STRA6: variants seen among roughly 807,000 people sequenced by gnomAD.
STRA6 encodes signaling receptor and transporter of retinol STRA6, also known as receptor for retinol uptake STRA6.
A neutral mutation model predicts 83.6 loss-of-function variants in STRA6; 48 were observed. That is an observed-to-expected ratio of 0.57 (90% CI 0.46 to 0.73). The LOEUF is 0.73. Among genes scored for constraint, STRA6 ranks in the 30% least tolerant of loss-of-function variants. The probability of loss-of-function intolerance (pLI) is 0.00; values close to 1 mark genes in which losing one functional copy is unlikely to be tolerated. For missense variants in STRA6, 760 were observed against 838.8 expected (o/e 0.91, Z 1.16); for synonymous variants, 353 against 362.3 (o/e 0.97, Z 0.29).
chr15:74,206,110 TC>T (rs955620167), upstream of STRA6, among the ~76,000 whole-genome samples: 8 of 152,076 alleles, frequency 5.3e-5, no homozygotes, highest in African/African-American at 1.9e-4. Flanking sequence ...TTGTGAACTC[TC>T]CCCACAAGGC....
At position 74,197,332 on chromosome 15, in the gene STRA6, A is replaced by G; in HGVS notation, c.266+6T>C. 6.5e-7 allele frequency: 1 copy of G among 1,548,160 alleles called. No homozygotes were observed. The highest frequency in any genetic ancestry group is 8.7e-7 in the Non-Finnish European group (1 of 1,145,092). On this transcript the variant is annotated splice_donor_region_variant and intron_variant, in intron 4 of 18. Transcript: ENST00000395105. The stretch of plus-strand genomic sequence containing the variant: ...TGAGTGGGGGTGCCCAGGCCATGGT[A>G]CAAACCTGGGCAGGCCGGGCCTGCC...
chr15:74,190,999 C>A, intron 10 of STRA6, 98 bp from the exon 11 acceptor site: 1 of 1,587,886 alleles, frequency 6.3e-7, no homozygotes, highest in South Asian at 1.1e-5. Context: ...CAGCAGGACC[C>A]TAAATGACCA....
At chr15:74,194,448 A>G in intron 7 of STRA6, 1 of 970,968 alleles carries the variant, frequency 1.0e-6, no homozygotes, top group Non-Finnish European at 1.2e-6. Flanking sequence ...GGTGGTGAAA[A>G]AAAGCCACCA....
chr15:74,202,508 C>A (rs932160506), intron 1 of STRA6: 4 of 1,526,930 alleles, frequency 2.6e-6, no homozygotes, highest in Non-Finnish European at 3.5e-6. Context: ...CCCCTCCTCC[C>A]TTCCCGCCCA....
chr15:74,203,954 G>A (rs959382389), upstream of STRA6, among the ~76,000 whole-genome samples: 18 of 152,342 alleles, frequency 1.2e-4, no homozygotes, highest in African/African-American at 4.1e-4. Flanking sequence ...AACAGCACGG[G>A]TGAAGTCTCA....
At chr15:74,180,724 T>C in intron 18 of STRA6, 58 bp downstream of exon 18, 1 of 1,554,760 alleles carries the variant, frequency 6.4e-7, no homozygotes, top group Non-Finnish European at 8.7e-7. Context: ...GGGGCACACA[T>C]CCTTCCTAGA....
chr15:74,190,745 C>T, intron 11 of STRA6, 95 bp downstream of exon 11: 1 of 1,582,312 alleles, frequency 6.3e-7, no homozygotes, highest in Non-Finnish European at 8.7e-7. Flanking sequence ...CTGGATGGAG[C>T]ACCTGGAGAG....
upstream of STRA6, among the ~76,000 whole-genome samples, chr15:74,211,656 G>C (rs576810859): frequency 6.6e-6 from 1 of 151,898 alleles, no homozygotes; most frequent in Non-Finnish European, 1.5e-5. Flanking sequence ...TGCCCACCTC[G>C]GCCTCCCAAA....
intron 6 of STRA6, 35 bp downstream of exon 6, chr15:74,195,617 G>C: frequency 1.9e-6 from 3 of 1,549,350 alleles, no homozygotes; most frequent in Non-Finnish European, 2.6e-6. Flanking sequence ...TCCAGGCTCT[G>C]ACTAGTCTCA....
rs1390239945 is a variant in STRA6, at chr15:74,194,837, G to A, written c.597+465C>T. 2.2e-6 allele frequency: 3 copies of A among 1,347,058 alleles called. No individual in the cohort carries two copies. The East Asian group carries it at 8.1e-5, about 36-fold the overall frequency. The allele number at this position is 1,347,058 out of a possible 1,614,324, so 83.4% of individuals were successfully genotyped here. Reference sequence around the variant, plus strand: ...CACTCTTTGAGTTCTAGACTGGACAGCTTCACAGCCCCAGCCAGCAGCCAG... The same window carrying A: ...CACTCTTTGAGTTCTAGACTGGACAACTTCACAGCCCCAGCCAGCAGCCAG... On this transcript the variant is annotated intron_variant, in intron 7 of 18. Coordinates refer to ENST00000395105, the MANE Select transcript of STRA6 (RefSeq NM_022369.4).
chr15:74,183,533 T>G (rs1367029840), intron 14 of STRA6: 2 of 1,204,712 alleles, frequency 1.7e-6, no homozygotes, highest in Non-Finnish European at 1.0e-6. Context: ...TGTGAGCCAC[T>G]GAGCCCAGCC....
chr15:74,209,431 G>T (rs539628058), upstream of STRA6: 1 of 1,535,586 alleles, frequency 6.5e-7, no homozygotes, highest in Admixed American at 2.0e-5. Context: ...CCACCAGCTC[G>T]GCTCTTAATA....
intron 11 of STRA6, among the ~76,000 whole-genome samples, chr15:74,190,139 C>T (rs1419087302): frequency 6.6e-6 from 1 of 152,188 alleles, no homozygotes; most frequent in Non-Finnish European, 1.5e-5. Flanking sequence ...ACCTCAGATA[C>T]TGAGGGATGA....
At chr15:74,204,087 T>C (rs1022403383), upstream of STRA6, among the ~76,000 whole-genome samples, 2 of 152,204 alleles carry the variant, frequency 1.3e-5, no homozygotes, top group African/African-American at 2.4e-5. Flanking sequence ...TGGCCCTTCT[T>C]GCAGGAAGAG....
At chr15:74,186,759 C>T (rs2073269063) in intron 12 of STRA6, among the ~76,000 whole-genome samples, 1 of 151,980 alleles carries the variant, frequency 6.6e-6, no homozygotes, top group Non-Finnish European at 1.5e-5. Context: ...CGACAGAGCA[C>T]AACTCCATCT....
At chr15:74,210,834 CAAA>C (rs1242537933), upstream of STRA6, among the ~76,000 whole-genome samples, 1 of 152,030 alleles carries the variant, frequency 6.6e-6, no homozygotes, top group Non-Finnish European at 1.5e-5. Context: ...GTTGTGTTCT[CAAA>C]AAGAGAGGTG....
At chr15:74,203,303 G>A (rs534098155), upstream of STRA6, 2 of 706,346 alleles carry the variant, frequency 2.8e-6, no homozygotes, top group South Asian at 6.4e-5. Context: ...CCACGGGTAG[G>A]CAAGAGGAGC....
chr15:74,189,244 T>G lies in STRA6; in HGVS notation c.961A>C (p.Thr321Pro), dbSNP rs118203962. The change falls in exon 12 of 19, where the codon ACT (threonine) becomes CCT (proline). Residue 321 changes from threonine (T) to proline (P), a missense_variant. Physicochemically the swap from Thr to Pro is conservative, Grantham distance 38 (BLOSUM62 -1). Transcript: ENST00000395105. ...ALLLLVGVVP[T>P]IQKVRAGVTT... ...ACCCCTGCCCTCACCTTCTGGATAG[T>G]GGGTACCACGCCCACCAGCAGCAGC... is the stretch of plus-strand genomic sequence containing the variant. 7.3e-4 allele frequency: 1,172 copies of G among 1,607,106 alleles called. 2 individuals are homozygous for G. The highest frequency in any genetic ancestry group is 8.9e-4 in the Non-Finnish European group (1,044 of 1,177,044).
intron 13 of STRA6, 151 bp from the exon 14 acceptor site, chr15:74,184,140 C>T: frequency 9.0e-7 from 1 of 1,107,944 alleles, no homozygotes. Context: ...CAGGAGGAGG[C>T]CACTAACCCA....
Sources: allele counts gnomAD v4.1 joint callset (sites outside exome capture counted in the v4.1 genomes callset), GRCh38; gene constraint gnomAD v4.1.1; transcripts MANE v1.5; gene names NCBI Gene and HGNC (gene_info 2026-07-23, HGNC 2026-07-21).